Variants in ACVR2A observed in about 807,000 individuals in gnomAD.
The protein encoded by ACVR2A is activin A receptor type 2A.
ACVR2A carries 7 observed loss-of-function variants against 61.4 expected under a neutral mutation model. The ratio of observed to expected loss-of-function variants is 0.11; its 90% CI spans 0.06 to 0.21. The LOEUF (loss-of-function observed/expected upper bound fraction) is 0.21, where lower values mean the gene tolerates loss of function less well. Among genes scored for constraint, ACVR2A ranks in the 10% least tolerant of loss-of-function variants. The pLI, the probability that ACVR2A is intolerant of heterozygous loss-of-function variation, is 1.00. For missense variants in ACVR2A, 322 were observed against 621.7 expected (o/e 0.52, Z 5.13); for synonymous variants, 193 against 208.3 (o/e 0.93, Z 0.63).
chr2:147,915,089 T>C, intron 4 of ACVR2A, 102 bp from the exon 5 acceptor site: 1 of 1,061,772 alleles, frequency 9.4e-7, no homozygotes, highest in Non-Finnish European at 1.4e-6. Flanking sequence ...GTTTACTGTT[T>C]CTGTCAGTTG....
intron 4 of ACVR2A, among the ~76,000 whole-genome samples, chr2:147,912,275 A>G (rs1033973576): frequency 1.3e-5 from 2 of 152,032 alleles, no homozygotes; most frequent in East Asian, 1.9e-4. Context: ...TTCTGATACC[A>G]TAATTTTTAC....
intron 1 of ACVR2A, among the ~76,000 whole-genome samples, chr2:147,893,564 G>A (rs1266297204): frequency 6.6e-6 from 1 of 152,038 alleles, no homozygotes; most frequent in Non-Finnish European, 1.5e-5. Flanking sequence ...TTTTTGTTTT[G>A]TTTTAGCCAT....
At chr2:147,915,140 G>T (rs1412932840) in intron 4 of ACVR2A, 51 bp from the exon 5 acceptor site, 2 of 1,563,698 alleles carry the variant, frequency 1.3e-6, no homozygotes, top group Admixed American at 3.5e-5. Flanking sequence ...TTTCAGAGTT[G>T]GTGTGTGTCA....
In ACVR2A at chr2:147,930,697, G is replaced by A. The variant is rs914658204; in HGVS notation, c.*3423G>A. ...ATCGTACTTGCTATTTTTTCTGCAA[G>A]TATTTAACAGAAAGCTTAAAATCCC... On this transcript the variant is annotated 3_prime_UTR_variant, in exon 11 of 11. Coordinates refer to ENST00000241416, the MANE Select transcript of ACVR2A (RefSeq NM_001616.5). The A allele has an allele frequency of 6.6e-6, 1 of 152,342 alleles. No individual in the cohort carries two copies. Among genetic ancestry groups the A allele is most frequent in the Non-Finnish European group, 1.5e-5 (1 of 67,962 alleles). 9.4% of individuals were successfully genotyped at this position (152,342 alleles called of 1,614,324 possible).
intron 1 of ACVR2A, among the ~76,000 whole-genome samples, chr2:147,858,820 A>T (rs539928028): frequency 6.6e-6 from 1 of 152,330 alleles, no homozygotes; most frequent in East Asian, 1.9e-4. Context: ...ACTGTGTTCC[A>T]GTAAAACTTT....
At chr2:147,926,863 A>G (rs1687512301) in intron 10 of ACVR2A, among the ~76,000 whole-genome samples, 1 of 150,936 alleles carries the variant, frequency 6.6e-6, no homozygotes, top group South Asian at 2.1e-4. Context: ...TTTTTTTTGG[A>G]GTTAAAAAAA....
intron 1 of ACVR2A, among the ~76,000 whole-genome samples, chr2:147,891,669 A>G (rs942714887): frequency 1.3e-5 from 2 of 152,210 alleles, no homozygotes; most frequent in Admixed American, 6.5e-5. Context: ...CAACATAATC[A>G]TGTTCATTCA....
intron 1 of ACVR2A, among the ~76,000 whole-genome samples, chr2:147,885,300 T>A (rs1686403616): frequency 6.6e-6 from 1 of 152,152 alleles, no homozygotes; most frequent in Non-Finnish European, 1.5e-5. Flanking sequence ...AATTATTTTA[T>A]TTTGAATAGA....
intron 1 of ACVR2A, among the ~76,000 whole-genome samples, chr2:147,849,823 G>C (rs1054490546): frequency 6.6e-6 from 1 of 152,132 alleles, no homozygotes; most frequent in Non-Finnish European, 1.5e-5. Context: ...CGCCTTTTGG[G>C]TCCACCAGAC....
intron 9 of ACVR2A, chr2:147,925,715 C>T (rs764046337): frequency 9.7e-6 from 2 of 207,078 alleles, no homozygotes; most frequent in African/African-American, 2.3e-5. Flanking sequence ...TATTATATAA[C>T]GTTAATTTAC....
chr2:147,871,029 A>G (rs939412625), intron 1 of ACVR2A, among the ~76,000 whole-genome samples: 3 of 152,102 alleles, frequency 2.0e-5, no homozygotes, highest in Non-Finnish European at 4.4e-5. Flanking sequence ...TTCAGAATGA[A>G]TTGCAGATTC....
At chr2:147,883,159 A>G (rs1422863484) in intron 1 of ACVR2A, among the ~76,000 whole-genome samples, 2 of 152,136 alleles carry the variant, frequency 1.3e-5, no homozygotes, top group Admixed American at 6.5e-5. Flanking sequence ...AAAAGACTCA[A>G]TGTGTAGTAA....
intron 1 of ACVR2A, among the ~76,000 whole-genome samples, chr2:147,861,256 C>T (rs902771502): frequency 2.0e-5 from 3 of 152,068 alleles, no homozygotes; most frequent in Non-Finnish European, 4.4e-5. Context: ...GAGGACATTC[C>T]AGTATATTTA....
chr2:147,871,337 G>A (rs945869349), intron 1 of ACVR2A, among the ~76,000 whole-genome samples: 1 of 151,838 alleles, frequency 6.6e-6, no homozygotes, highest in Admixed American at 6.6e-5. Context: ...GGTTGAATAC[G>A]CTTTATTGTG....
rs889063992 is a variant in ACVR2A, at chr2:147,929,983, A to G, written c.*2709A>G. On this transcript the variant is annotated 3_prime_UTR_variant, in exon 11 of 11. Coordinates refer to ENST00000241416, the MANE Select transcript of ACVR2A (RefSeq NM_001616.5). The stretch of plus-strand genomic sequence containing the variant: ...TTAACCAGTGTTCGGCTTTATTTGA[A>G]GTCTATGCCCTGCACAGCTCTTGTA... The G allele has an allele frequency of 3.3e-5, 5 of 152,476 alleles. No individual in the cohort carries two copies. The highest frequency in any genetic ancestry group is 1.2e-4 in the African/African-American group (5 of 41,416). The allele number at this position is 152,476 out of a possible 1,614,324, so 9.4% of individuals were successfully genotyped here.
At chr2:147,923,767 G>A (rs553356715) in intron 9 of ACVR2A, among the ~76,000 whole-genome samples, 88 of 152,036 alleles carry the variant, frequency 5.8e-4, no homozygotes, top group African/African-American at 2.0e-3. Context: ...CAAACTTGCC[G>A]ACTGCTAAAC....
At chr2:147,909,950 A>T (rs1048652581) in intron 4 of ACVR2A, among the ~76,000 whole-genome samples, 2 of 151,778 alleles carry the variant, frequency 1.3e-5, no homozygotes, top group South Asian at 2.1e-4. Context: ...CTTTAAAAAA[A>T]TTTTGCTTTA....
At chr2:147,882,851 T>C (rs1686341204) in intron 1 of ACVR2A, among the ~76,000 whole-genome samples, 1 of 152,090 alleles carries the variant, frequency 6.6e-6, no homozygotes, top group Non-Finnish European at 1.5e-5. Flanking sequence ...CAGACAATGT[T>C]TGTGTTTTCC....
At position 147,928,125 on chromosome 2, in the gene ACVR2A, C is replaced by A. The variant is rs1157944164; in HGVS notation, c.*851C>A. ...TTCTTCCCATGTTTTAAAGCCCCAT[C>A]TTATATCCAGTTCCCAAAATTTGCA... On this transcript the variant is annotated 3_prime_UTR_variant, in exon 11 of 11. Transcript: ENST00000241416. 6.6e-6 allele frequency: 1 copy of A among 152,232 alleles called. No individual in the cohort carries two copies. The highest frequency in any genetic ancestry group is 1.9e-4 in the East Asian group (1 of 5,188). The allele number at this position is 152,232 out of a possible 1,614,324, so 9.4% of individuals were successfully genotyped here. A position where few individuals can be genotyped will look rare whatever the true frequency, so the allele number is the denominator to read the frequency against.
Sources: gnomAD v4.1 joint callset for allele counts (sites outside exome capture counted in the v4.1 genomes callset) on GRCh38, gnomAD v4.1.1 for gene constraint, MANE v1.5 for transcripts, NCBI Gene and HGNC (gene_info 2026-07-23, HGNC 2026-07-21) for gene names.